EIF3H: variants seen among roughly 807,000 people sequenced by gnomAD.
EIF3H encodes the protein eukaryotic translation initiation factor 3 subunit H.
EIF3H carries 26 observed loss-of-function variants against 44.2 expected under a neutral mutation model. The ratio of observed to expected loss-of-function variants is 0.59; its 90% CI spans 0.43 to 0.82. The LOEUF is 0.82. Among genes scored for constraint, EIF3H ranks in the 40% least tolerant of loss-of-function variants. The probability of loss-of-function intolerance (pLI) is 0.00; values close to 1 mark genes in which losing one functional copy is unlikely to be tolerated. For missense variants in EIF3H, 359 were observed against 432.8 expected (o/e 0.83, Z 1.51); for synonymous variants, 166 against 151.9 (o/e 1.09, Z -0.68).
intron 2 of EIF3H, among the ~76,000 whole-genome samples, chr8:116,706,621 A>G (rs1038661118): frequency 2.0e-5 from 3 of 152,258 alleles, no homozygotes; most frequent in Admixed American, 6.5e-5. Context: ...TGCAACCTCC[A>G]TTTCCCGGTT....
chr8:116,647,262 C>T (rs1393622291), intron 6 of EIF3H, among the ~76,000 whole-genome samples: 4 of 151,976 alleles, frequency 2.6e-5, no homozygotes, highest in African/African-American at 4.8e-5. Context: ...CCACCACACC[C>T]GGCTAATTTT....
chr8:116,747,766 CAT>C (rs761265863), intron 1 of EIF3H, among the ~76,000 whole-genome samples: 2 of 152,174 alleles, frequency 1.3e-5, no homozygotes, highest in South Asian at 2.1e-4. Flanking sequence ...TACAGTGACA[CAT>C]GTGATAGCCT....
intron 2 of EIF3H, among the ~76,000 whole-genome samples, chr8:116,692,924 A>C (rs1380065287): frequency 6.6e-6 from 1 of 152,184 alleles, no homozygotes; most frequent in Non-Finnish European, 1.5e-5. Flanking sequence ...AATATAAATT[A>C]ATTTTATCTT....
chr8:116,701,327 C>T (rs1321910862), intron 2 of EIF3H, among the ~76,000 whole-genome samples: 1 of 152,114 alleles, frequency 6.6e-6, no homozygotes, highest in Non-Finnish European at 1.5e-5. Context: ...AGTATCCAGT[C>T]TAGCAGAAGT....
At chr8:116,698,932 A>T (rs994935603) in intron 2 of EIF3H, among the ~76,000 whole-genome samples, 1 of 152,118 alleles carries the variant, frequency 6.6e-6, no homozygotes, top group African/African-American at 2.4e-5. Flanking sequence ...CAGATCTTTG[A>T]GCTCAGGAGT....
rs542433534 is a variant in EIF3H at position 116,680,770 on chromosome 8, G to A, written c.290-21790C>T. On this transcript the variant is annotated intron_variant, in intron 2 of 7. Transcript: ENST00000521861. ...ATCTACTGACCTTCCCTCCACTATT[G>A]TCCTATGACCCTGCCAAATCCCCCT... Among the ~76,000 whole-genome samples the A allele has an allele frequency of 7.1e-4, 104 of 145,484 alleles. No homozygotes were observed. The East Asian group carries it at 0.02, about 28-fold the overall frequency.
chr8:116,652,900 T>C (rs954439296), intron 5 of EIF3H, among the ~76,000 whole-genome samples: 2 of 152,216 alleles, frequency 1.3e-5, no homozygotes, highest in African/African-American at 4.8e-5. Flanking sequence ...CTTTCATTTT[T>C]ACCAGTGAGC....
intron 2 of EIF3H, 112 bp downstream of exon 2, chr8:116,725,904 T>G (rs1388334429): frequency 1.6e-6 from 2 of 1,285,844 alleles, no homozygotes; most frequent in Middle Eastern, 1.9e-4. Context: ...TCAAGTGAAG[T>G]AGGCTAGCCT....
At chr8:116,735,652 A>C (rs1815022185) in intron 1 of EIF3H, among the ~76,000 whole-genome samples, 2 of 152,044 alleles carry the variant, frequency 1.3e-5, no homozygotes, top group African/African-American at 2.4e-5. Flanking sequence ...ATAAGCCAAA[A>C]CACCACCACC....
At chr8:116,753,580 T>C (rs1815393797) in intron 1 of EIF3H, among the ~76,000 whole-genome samples, 2 of 152,244 alleles carry the variant, frequency 1.3e-5, no homozygotes, top group Admixed American at 6.5e-5. Context: ...CATTAATCAA[T>C]TCTGAGAGAG....
chr8:116,732,859 G>C (rs1814975605), intron 1 of EIF3H, among the ~76,000 whole-genome samples: 1 of 152,110 alleles, frequency 6.6e-6, no homozygotes, highest in South Asian at 2.1e-4. Context: ...AGATGTGTGG[G>C]TTCTTTCTAT....
intron 2 of EIF3H, among the ~76,000 whole-genome samples, chr8:116,682,626 T>C (rs1296496998): frequency 6.6e-6 from 1 of 152,178 alleles, no homozygotes; most frequent in Non-Finnish European, 1.5e-5. Context: ...AGGTAAAAAG[T>C]AAAAATTATT....
At chr8:116,752,737 G>A (rs1324696553) in intron 1 of EIF3H, among the ~76,000 whole-genome samples, 1 of 91,880 alleles carries the variant, frequency 1.1e-5, no homozygotes, top group African/African-American at 4.5e-5. Context: ...AGAAAGAAGA[G>A]AAAGAAAGAA....
chr8:116,688,787 A>G (rs1292240010), intron 2 of EIF3H, among the ~76,000 whole-genome samples: 2 of 152,204 alleles, frequency 1.3e-5, no homozygotes, highest in Non-Finnish European at 2.9e-5. Context: ...TTTGCAACAA[A>G]AAGTTTTTAA....
intron 1 of EIF3H, among the ~76,000 whole-genome samples, chr8:116,748,046 G>A (rs972627416): frequency 6.6e-6 from 1 of 152,134 alleles, no homozygotes; most frequent in East Asian, 1.9e-4. Flanking sequence ...GGGAGGCGGA[G>A]GTTGCAGTGA....
rs888513481 is a variant in EIF3H at position 116,711,075 on chromosome 8, C to T, written c.289+14941G>A. Among the ~76,000 whole-genome samples the T allele has an allele frequency of 6.6e-5, 10 of 152,112 alleles. 1 individual carries two copies. In the East Asian group the frequency reaches 1.9e-3, roughly 29 times the overall value. ...TAAGAACTATAATGGTATATGTGTA[C>T]ACACATTGCTTCCATAATTGGATAC... On this transcript the variant is annotated intron_variant, in intron 2 of 7. Transcript: ENST00000521861.
exon 1 of EIF3H, chr8:116,765,870 G>A (rs917409187): frequency 2.0e-5 from 3 of 152,210 alleles, no homozygotes; most frequent in Non-Finnish European, 4.4e-5. Context: ...CCATGCGAGT[G>A]ATTTAGGATG....
chr8:116,657,307 T>TA lies in EIF3H; in HGVS notation c.464dup (p.Thr157AsnfsTer16). 1 of 1,611,788 alleles carries TA rather than the reference T, an allele frequency of 6.2e-7. No individual in the cohort carries two copies. Among genetic ancestry groups the TA allele is most frequent in the East Asian group, 2.2e-5 (1 of 44,858 alleles). ...GTGAGAGAGATCCTTGGGCAGTTTT[T>TA]ATGGGATCTCAAACAAGGAAAGAGA... On this transcript the variant is annotated frameshift_variant, in exon 4 of 8. Transcript: ENST00000521861. LOFTEE classifies it high-confidence loss of function.
At chr8:116,697,922 T>G (rs938011993) in intron 2 of EIF3H, among the ~76,000 whole-genome samples, 3 of 152,228 alleles carry the variant, frequency 2.0e-5, no homozygotes, top group African/African-American at 7.2e-5. Context: ...GTACCAAGAC[T>G]TTTGTGAAAA....
Sources: gnomAD v4.1 joint callset for allele counts (sites outside exome capture counted in the v4.1 genomes callset) on GRCh38, gnomAD v4.1.1 for gene constraint, MANE v1.5 for transcripts, NCBI Gene and HGNC (gene_info 2026-07-23, HGNC 2026-07-21) for gene names.